Variants in PDE5A observed in about 807,000 individuals in gnomAD.
PDE5A encodes cGMP-specific 3',5'-cyclic phosphodiesterase.
A neutral mutation model predicts 110.2 loss-of-function variants in PDE5A; 67 were observed. That is an observed-to-expected ratio of 0.61 (90% CI 0.50 to 0.75). The LOEUF (loss-of-function observed/expected upper bound fraction) is 0.75. PDE5A is among the 30% of genes least tolerant of loss of function. The probability of loss-of-function intolerance (pLI) is 0.00; values close to 1 mark genes in which losing one functional copy is unlikely to be tolerated. For missense variants in PDE5A, 862 were observed against 1,045.1 expected, an observed-to-expected ratio of 0.82 and a Z score of 2.42; for synonymous variants, 328 against 351.2, an observed-to-expected ratio of 0.93 and a Z score of 0.74.
rs1726106654 is a variant in PDE5A, at chr4:119,520,950, T to C, written c.1890A>G (p.Lys630=). ...TAAAAAGTACCTGAATTTTGCCTGC[T>C]TTTAGAGCAGCAAACATGCACTGAG... ...NTAQCMFAAL[K]AGKIQNKLTD... is the part of the protein sequence containing the mutation. The change falls in exon 13 of 21, where the codon AAA becomes AAG. Residue 630 remains lysine (K), a synonymous_variant. Transcript: ENST00000354960. 1 of 1,610,438 alleles carries C rather than the reference T, an allele frequency of 6.2e-7. No homozygotes were observed. The highest frequency in any genetic ancestry group is 8.5e-7 in the Non-Finnish European group (1 of 1,178,258).
chr4:119,582,259 GA>G (rs1228495489), intron 3 of PDE5A, among the ~76,000 whole-genome samples: 2 of 152,154 alleles, frequency 1.3e-5, no homozygotes, highest in Non-Finnish European at 2.9e-5. Context: ...TTACAGCAGG[GA>G]TAGAGTCCAT....
In PDE5A at chr4:119,592,487, A is replaced by AAAAAAAG. The variant is rs70944896; in HGVS notation, c.831+4035_831+4036insCTTTTTT. On this transcript the variant is annotated intron_variant, in intron 3 of 20. Coordinates refer to ENST00000354960, the MANE Select transcript of PDE5A (RefSeq NM_001083.4). ...AAAAAAAAAAAAAAAAAAAAAAAAA[A>AAAAAAAG]GCTGTGTTCTGGAAGCCCTCTCTTG... Among the ~76,000 whole-genome samples the AAAAAAAG allele has an allele frequency of 3.3e-3, 450 of 136,974 alleles. 5 individuals are homozygous for AAAAAAAG. The highest frequency in any genetic ancestry group is 5.8e-3 in the Non-Finnish European group (368 of 63,592). 89.9% of individuals were successfully genotyped at this position (136,974 alleles called of 152,430 possible).
At chr4:119,522,588 C>T (rs1726166535) in intron 12 of PDE5A, among the ~76,000 whole-genome samples, 1 of 151,882 alleles carries the variant, frequency 6.6e-6, no homozygotes. Flanking sequence ...TATTGTGAAA[C>T]AATGACCAAA....
chr4:119,539,203 T>C (rs1726835353), intron 10 of PDE5A, 184 bp from the exon 11 acceptor site: 7 of 572,228 alleles, frequency 1.2e-5, no homozygotes, highest in Non-Finnish European at 1.9e-5. Context: ...TTGCTTGTTT[T>C]GGAAAACAAA....
At chr4:119,527,897 C>T (rs1296818350) in intron 11 of PDE5A, among the ~76,000 whole-genome samples, 2 of 151,764 alleles carry the variant, frequency 1.3e-5, no homozygotes, top group Non-Finnish European at 2.9e-5. Context: ...ACTGTGATAC[C>T]ACCTAATACC....
At chr4:119,515,595 G>A (rs1341078116) in intron 14 of PDE5A, among the ~76,000 whole-genome samples, 1 of 152,036 alleles carries the variant, frequency 6.6e-6, no homozygotes, top group Non-Finnish European at 1.5e-5. Context: ...CTCTCTCAGT[G>A]CACACATATA....
chr4:119,609,933 T>C (rs564738401), intron 1 of PDE5A, among the ~76,000 whole-genome samples: 1 of 152,296 alleles, frequency 6.6e-6, no homozygotes, highest in South Asian at 2.1e-4. Context: ...AAATATCCAA[T>C]GAGTAATTTA....
At chr4:119,517,239 T>C (rs1725942079) in intron 14 of PDE5A, 1 of 152,210 alleles carries the variant, frequency 6.6e-6, no homozygotes, top group African/African-American at 2.4e-5. Flanking sequence ...GTTTTATTTT[T>C]TGATTTTCTC....
intron 12 of PDE5A, among the ~76,000 whole-genome samples, chr4:119,524,263 A>C (rs1726232641): frequency 6.6e-6 from 1 of 152,140 alleles, no homozygotes; most frequent in Non-Finnish European, 1.5e-5. Context: ...CCAGTAGCAG[A>C]GGTATGACTC....
chr4:119,614,359 A>G (rs1205111489), intron 1 of PDE5A, among the ~76,000 whole-genome samples: 1 of 152,188 alleles, frequency 6.6e-6, no homozygotes, highest in African/African-American at 2.4e-5. Context: ...ATAATGAATA[A>G]GTTTTCAGTA....
intron 6 of PDE5A, 73 bp downstream of exon 6, chr4:119,562,760 G>A: frequency 7.7e-7 from 1 of 1,306,964 alleles, no homozygotes; most frequent in South Asian, 1.7e-5. Context: ...CCAAAATGAG[G>A]TTTAAAAGTA....
chr4:119,498,177 TGA>T lies in PDE5A; in HGVS notation c.*422_*423del, dbSNP rs2110447040. 1 of 156,300 alleles carries T rather than the reference TGA, an allele frequency of 6.4e-6. No homozygotes were observed. The highest frequency in any genetic ancestry group is 1.9e-4 in the East Asian group (1 of 5,358). 9.7% of individuals were successfully genotyped at this position (156,300 alleles called of 1,614,324 possible). On this transcript the variant is annotated 3_prime_UTR_variant, in exon 21 of 21. Coordinates refer to ENST00000354960, the MANE Select transcript of PDE5A (RefSeq NM_001083.4). ...AAGGCTTTAAATGTCACAGAATGTA[TGA>T]TAATTTGCTCCTAACCTACTTTTGA...
chr4:119,603,502 C>T lies in PDE5A; in HGVS notation c.741+3207G>A, dbSNP rs989056269. ...ACATCAATGTACAGGTAGCATTTAC[C>T]AACTAATCTTTTCATTGGTATTTAT... is the stretch of plus-strand genomic sequence containing the variant. On this transcript the variant is annotated intron_variant, in intron 2 of 20. Coordinates refer to ENST00000354960, the MANE Select transcript of PDE5A (RefSeq NM_001083.4). Among the ~76,000 whole-genome samples, 30 of 152,124 alleles carry T rather than the reference C, an allele frequency of 2.0e-4. 1 individual carries two copies. The highest frequency in any genetic ancestry group is 1.8e-3 in the Admixed American group (28 of 15,264).
Position 119,502,607 on chromosome 4 carries a change from T to G in PDE5A, c.2380A>C (p.Arg794=), listed in dbSNP as rs144204269. Residue 794 remains arginine (R), a synonymous_variant, in exon 19 of 21, where the codon AGA becomes CGA. Transcript: ENST00000354960. ...GTGGGTTCTATGTTGAGTTCTTTTC[T>G]CTCTCTGTCTCCTTGATCAAAAAAT... ...TEFFDQGDRE[R]KELNIEPTDL... 3.6e-4 allele frequency: 570 copies of G among 1,605,460 alleles called. 2 individuals are homozygous for G. The African/African-American group carries it at 5.8e-3, about 16-fold the overall frequency.
At chr4:119,573,746 C>T (rs1728221886) in intron 3 of PDE5A, among the ~76,000 whole-genome samples, 1 of 152,140 alleles carries the variant, frequency 6.6e-6, no homozygotes. Context: ...GCCTTCGTGG[C>T]TACGAATGGG....
chr4:119,500,945 A>AAATC (rs1304801588), intron 20 of PDE5A: 2 of 502,334 alleles, frequency 4.0e-6, no homozygotes, highest in Non-Finnish European at 7.0e-6. Flanking sequence ...TAGCATCCCC[A>AAATC]AATCAATTTG....
In PDE5A at chr4:119,562,728, G is replaced by T. The variant is rs1449036900; in HGVS notation, c.1131+105C>A. On this transcript the variant is annotated intron_variant, in intron 6 of 20. Transcript: ENST00000354960. Reference sequence around the variant, plus strand: ...TTATATACATATTCATACACATTTGGGTTTGAGAGAGGGTTCTAAGACCAA... The same window carrying T: ...TTATATACATATTCATACACATTTGTGTTTGAGAGAGGGTTCTAAGACCAA... 9.4e-6 allele frequency: 8 copies of T among 850,716 alleles called. No individual in the cohort carries two copies. The East Asian group carries it at 1.4e-4, about 15-fold the overall frequency. 52.7% of individuals were successfully genotyped at this position (850,716 alleles called of 1,614,324 possible).
At chr4:119,624,990 C>T (rs916378034) in intron 1 of PDE5A, among the ~76,000 whole-genome samples, 4 of 150,456 alleles carry the variant, frequency 2.7e-5, no homozygotes, top group African/African-American at 9.8e-5. Flanking sequence ...GTTGTGATAA[C>T]TAAAAAGCTC....
intron 1 of PDE5A, among the ~76,000 whole-genome samples, chr4:119,625,866 T>G (rs534137664): frequency 6.6e-6 from 1 of 152,194 alleles, no homozygotes; most frequent in East Asian, 1.9e-4. Flanking sequence ...ATTTTAAGTC[T>G]CCTGTTAATG....
Sources: gnomAD v4.1 joint callset for allele counts (sites outside exome capture counted in the v4.1 genomes callset) on GRCh38, gnomAD v4.1.1 for gene constraint, MANE v1.5 for transcripts, NCBI Gene and HGNC (gene_info 2026-07-23, HGNC 2026-07-21) for gene names.